SFMBT1: variants seen among roughly 807,000 people sequenced by gnomAD.
SFMBT1 encodes scm-like with four MBT domains protein 1.
In SFMBT1, 32 loss-of-function variants were observed where a neutral mutation model predicts 108.7. That is an observed-to-expected ratio of 0.29 (90% CI 0.22 to 0.40). The LOEUF is 0.40. Among genes scored for constraint, SFMBT1 ranks in the 10% least tolerant of loss-of-function variants. The pLI is 1.00. For missense variants in SFMBT1, 816 were observed against 1,059.6 expected (o/e 0.77, Z 3.19); for synonymous variants, 348 against 369.5 (o/e 0.94, Z 0.67).
At chr3:52,920,692 T>A (rs977972075) in intron 11 of SFMBT1, 42 bp from the exon 12 acceptor site, 5 of 1,209,322 alleles carry the variant, frequency 4.1e-6, no homozygotes, top group Middle Eastern at 2.0e-4. Flanking sequence ...CAAACAAACC[T>A]TTTTTTAGAC....
At chr3:52,938,775 C>T (rs960355886) in intron 4 of SFMBT1, among the ~76,000 whole-genome samples, 1 of 152,152 alleles carries the variant, frequency 6.6e-6, no homozygotes, top group Non-Finnish European at 1.5e-5. Flanking sequence ...GTCTCCCTTA[C>T]AACCATCATT....
Position 52,918,521 on chromosome 3 carries a change from T to C in SFMBT1, c.1378A>G (p.Lys460Glu), listed in dbSNP as rs1267427937. 6.5e-7 allele frequency: 1 copy of C among 1,550,342 alleles called. No homozygotes were observed. The change falls in exon 13 of 21, where the codon AAA (lysine) becomes GAA (glutamate). Residue 460 changes from lysine (K) to glutamate (E), a missense_variant. Transcript: ENST00000394752. ...TGAACCACTGCAATTTTCCTCTGTT[T>C]ATATACTGTAGAAAGAAAAAAATAT... The part of the protein sequence containing the change: ...LSTPRRARVY[K>E]QRKIAVVQPE...
intron 1 of SFMBT1, among the ~76,000 whole-genome samples, chr3:53,032,420 C>T (rs1699718083): frequency 6.6e-6 from 1 of 151,854 alleles, no homozygotes. Context: ...GACAGAAGAC[C>T]CATATGGGAA....
intron 1 of SFMBT1, among the ~76,000 whole-genome samples, chr3:53,033,340 T>C: frequency 6.6e-6 from 1 of 152,022 alleles, no homozygotes; most frequent in East Asian, 1.9e-4. Flanking sequence ...TTTGTATTTT[T>C]AGTAGAGACG....
chr3:52,950,082 C>A (rs1008419665), intron 3 of SFMBT1, among the ~76,000 whole-genome samples: 9 of 152,104 alleles, frequency 5.9e-5, no homozygotes, highest in Non-Finnish European at 1.2e-4. Context: ...TGCATTTAGA[C>A]CACTGACATT....
chr3:53,009,566 G>A (rs1698872831), intron 1 of SFMBT1, among the ~76,000 whole-genome samples: 2 of 152,190 alleles, frequency 1.3e-5, no homozygotes, highest in African/African-American at 4.8e-5. Context: ...CTTTCAGTAA[G>A]TTTGGTTTTT....
At chr3:52,944,996 G>T (rs953700489) in intron 3 of SFMBT1, among the ~76,000 whole-genome samples, 2 of 151,478 alleles carry the variant, frequency 1.3e-5, no homozygotes, top group Admixed American at 1.3e-4. Context: ...TAGAGACGGG[G>T]TTTTGCCATG....
At chr3:53,007,658 A>T (rs1470302621) in intron 1 of SFMBT1, among the ~76,000 whole-genome samples, 2 of 152,276 alleles carry the variant, frequency 1.3e-5, no homozygotes, top group African/African-American at 2.4e-5. Context: ...TGATTAAAAT[A>T]AAAAACATGA....
chr3:52,937,645 C>T (rs546519024), intron 4 of SFMBT1, among the ~76,000 whole-genome samples: 10 of 151,762 alleles, frequency 6.6e-5, no homozygotes, highest in Admixed American at 1.3e-4. Flanking sequence ...TGCAGTGGCA[C>T]GATCTCAGCT....
In SFMBT1 at chr3:52,945,965, C is replaced by G. The variant is rs139764930; in HGVS notation, c.124-2372G>C. 7.8e-3 allele frequency among the ~76,000 whole-genome samples: 1,186 copies of G among 152,294 alleles called. 8 individuals carry two copies. Among genetic ancestry groups the G allele is most frequent in the Middle Eastern group, 0.02 (6 of 294 alleles). On this transcript the variant is annotated intron_variant, in intron 3 of 20. Transcript: ENST00000394752. Reference sequence around the variant, plus strand: ...TTCAAAGGGGAAAACAGCAACATTACAGTGAAAAAATCTGGCAGATGCCAC... The same window carrying G: ...TTCAAAGGGGAAAACAGCAACATTAGAGTGAAAAAATCTGGCAGATGCCAC...
chr3:52,909,665 T>G (rs1258329014), intron 17 of SFMBT1, among the ~76,000 whole-genome samples: 1 of 152,146 alleles, frequency 6.6e-6, no homozygotes, highest in African/African-American at 2.4e-5. Context: ...CTAAAAGAAA[T>G]CTTTCCATTT....
intron 1 of SFMBT1, 140 bp from the exon 2 acceptor site, chr3:52,969,398 T>G: frequency 1.3e-6 from 1 of 751,296 alleles, no homozygotes; most frequent in Non-Finnish European, 1.9e-6. Context: ...GAGGAAAAAA[T>G]TGATACCTTT....
intron 8 of SFMBT1, among the ~76,000 whole-genome samples, 157 bp downstream of exon 8, chr3:52,930,172 T>A (rs571521630): frequency 6.6e-6 from 1 of 152,336 alleles, no homozygotes; most frequent in Non-Finnish European, 1.5e-5. Flanking sequence ...CACAGCAAAC[T>A]GGACAAATAC....
rs75938652 is a variant in SFMBT1 at position 52,931,187 on chromosome 3, T to C, written c.701-152A>G. Reference sequence around the variant, plus strand: ...TTATATCCCTTTACATTCAAAGAACTTGCACCTTAACTTCAGTACTTTGCT... The same window carrying C: ...TTATATCCCTTTACATTCAAAGAACCTGCACCTTAACTTCAGTACTTTGCT... On this transcript the variant is annotated intron_variant, in intron 6 of 20. Coordinates refer to ENST00000394752, the MANE Select transcript of SFMBT1 (RefSeq NM_016329.4). 1.8e-3 allele frequency: 1,165 copies of C among 657,454 alleles called. 13 individuals carry two copies. The African/African-American group carries it at 0.019, about 11-fold the overall frequency. The allele number at this position is 657,454 out of a possible 1,614,324, so 40.7% of individuals were successfully genotyped here.
Position 52,964,249 on chromosome 3 carries a change from C to A in SFMBT1, c.28+4852G>T, listed in dbSNP as rs140304082. On this transcript the variant is annotated intron_variant, in intron 2 of 20. Transcript: ENST00000394752. ...TCATGGCTGGGCATGGTGGCTCACA[C>A]CTGTAAATCCCAGCAATTTGGGAGG... 3.0e-3 allele frequency among the ~76,000 whole-genome samples: 451 copies of A among 152,274 alleles called. 1 individual carries two copies. Among genetic ancestry groups the A allele is most frequent in the African/African-American group, 0.01 (433 of 41,550 alleles).
chr3:53,020,894 T>C (rs1263329069), intron 1 of SFMBT1, among the ~76,000 whole-genome samples: 2 of 152,060 alleles, frequency 1.3e-5, no homozygotes, highest in Non-Finnish European at 2.9e-5. Context: ...TTGTCTCTAC[T>C]AAAAATACAA....
chr3:52,985,500 T>C (rs1704872858), intron 1 of SFMBT1, among the ~76,000 whole-genome samples: 1 of 152,228 alleles, frequency 6.6e-6, no homozygotes, highest in Non-Finnish European at 1.5e-5. Flanking sequence ...GTGTTTATTA[T>C]TTTTTAATAA....
chr3:53,001,363 C>T lies in SFMBT1; in HGVS notation c.-130-32105G>A, dbSNP rs551678574. On this transcript the variant is annotated intron_variant, in intron 1 of 20. Transcript: ENST00000394752. ...GAAGGACTGCTTGAGCTCAGGAGTT[C>T]AAGGCTGCAGTGAGCCATGATCGTG... 8.0e-5 allele frequency among the ~76,000 whole-genome samples: 12 copies of T among 150,266 alleles called. No homozygotes were observed. In the South Asian group the frequency reaches 2.5e-3, roughly 32 times the overall value.
rs59572829 is a variant in SFMBT1 at position 53,001,925 on chromosome 3, TCACACACACACACA to T, written c.-130-32681_-130-32668del. ...GGGCAACAGAGCAAGACCCAGTCTC[TCACACACACACACA>T]CACACACACACACACACACACACAC... On this transcript the variant is annotated intron_variant, in intron 1 of 20. Transcript: ENST00000394752. Among the ~76,000 whole-genome samples, 84 of 129,232 alleles carry T rather than the reference TCACACACACACACA, an allele frequency of 6.5e-4. 4 individuals carry two copies. The highest frequency in any genetic ancestry group is 1.8e-3 in the African/African-American group (66 of 35,828). 84.8% of individuals were successfully genotyped at this position (129,232 alleles called of 152,430 possible). A position where few individuals can be genotyped will look rare whatever the true frequency, so the allele number is the denominator to read the frequency against.
Sources: gnomAD v4.1 joint callset for allele counts (sites outside exome capture counted in the v4.1 genomes callset) on GRCh38, gnomAD v4.1.1 for gene constraint, MANE v1.5 for transcripts, NCBI Gene and HGNC (gene_info 2026-07-23, HGNC 2026-07-21) for gene names.